SLCO3A1: variants seen among roughly 807,000 people sequenced by gnomAD.
The protein encoded by SLCO3A1 is solute carrier organic anion transporter family member 3A1.
Under a neutral mutation model 63.1 loss-of-function variants are expected in SLCO3A1, and 27 were observed. The observed-to-expected ratio is 0.43, with a 90% CI of 0.32 to 0.59. The LOEUF is 0.59. Among genes scored for constraint, SLCO3A1 ranks in the 20% least tolerant of loss-of-function variants. The probability of loss-of-function intolerance (pLI) is 0.09; values close to 1 mark genes in which losing one functional copy is unlikely to be tolerated. For synonymous variants in SLCO3A1, 473 were observed against 409.9 expected, an observed-to-expected ratio of 1.15 and a Z score of -1.86; for missense variants, 773 against 945.8, an observed-to-expected ratio of 0.82 and a Z score of 2.40.
intron 1 of SLCO3A1, among the ~76,000 whole-genome samples, chr15:91,904,946 C>T (rs1898257600): frequency 6.6e-6 from 1 of 152,148 alleles, no homozygotes; most frequent in Non-Finnish European, 1.5e-5. Flanking sequence ...AATTTACATA[C>T]AATGATTTTG....
chr15:91,893,710 T>C (rs1051481581), intron 1 of SLCO3A1, among the ~76,000 whole-genome samples: 1 of 152,244 alleles, frequency 6.6e-6, no homozygotes, highest in African/African-American at 2.4e-5. Flanking sequence ...CCGTGGGTGG[T>C]TAACATGCAG....
chr15:91,987,049 C>T (rs1411487017), intron 2 of SLCO3A1, among the ~76,000 whole-genome samples: 1 of 152,076 alleles, frequency 6.6e-6, no homozygotes, highest in Non-Finnish European at 1.5e-5. Flanking sequence ...TTTGGGGCTT[C>T]ACAGCCCCAA....
At chr15:92,013,133 G>A (rs2046387970) in intron 2 of SLCO3A1, among the ~76,000 whole-genome samples, 1 of 152,242 alleles carries the variant, frequency 6.6e-6, no homozygotes, top group Non-Finnish European at 1.5e-5. Context: ...GGCTTTGCAT[G>A]TGGCAGACCT....
chr15:92,163,387 A>G lies in SLCO3A1; in HGVS notation c.*252A>G. ...CTTGCGCGGCTGGGCCACAGAGTCTACTTTGAAGGCACCTCATGGTTTTCA... is the reference window on the plus strand; with the variant it reads ...CTTGCGCGGCTGGGCCACAGAGTCTGCTTTGAAGGCACCTCATGGTTTTCA... On this transcript the variant is annotated 3_prime_UTR_variant, in exon 10 of 10. Transcript: ENST00000318445. 1 of 1,129,938 alleles carries G rather than the reference A, an allele frequency of 8.9e-7. No individual in the cohort carries two copies. The highest frequency in any genetic ancestry group is 1.1e-6 in the Non-Finnish European group (1 of 924,138). The allele number at this position is 1,129,938 out of a possible 1,614,324, so 70.0% of individuals were successfully genotyped here. A position where few individuals can be genotyped will look rare whatever the true frequency, so the allele number is the denominator to read the frequency against.
Position 92,165,107 on chromosome 15 carries a change from T to C in SLCO3A1, c.*1972T>C. The stretch of plus-strand genomic sequence containing the variant: ...AATGAACATTGTAAATGAAGAGGCT[T>C]GAATGACAGCCCAAATCTAGAGAAG... On this transcript the variant is annotated 3_prime_UTR_variant, in exon 10 of 10. Coordinates refer to ENST00000318445, the MANE Select transcript of SLCO3A1 (RefSeq NM_013272.4). 2.0e-6 allele frequency: 2 copies of C among 985,382 alleles called. No homozygotes were observed. The highest frequency in any genetic ancestry group is 2.4e-6 in the Non-Finnish European group (2 of 829,890). The allele number at this position is 985,382 out of a possible 1,614,324, so 61.0% of individuals were successfully genotyped here.
intron 1 of SLCO3A1, among the ~76,000 whole-genome samples, chr15:91,909,061 A>G (rs866944395): frequency 6.7e-6 from 1 of 149,296 alleles, no homozygotes; most frequent in Admixed American, 7.2e-5. Flanking sequence ...ACTCTGTCTC[A>G]AACAAAACAA....
At chr15:91,945,476 G>A (rs551478573) in intron 2 of SLCO3A1, among the ~76,000 whole-genome samples, 6 of 152,262 alleles carry the variant, frequency 3.9e-5, no homozygotes, top group Non-Finnish European at 8.8e-5. Flanking sequence ...AAGTGAATAC[G>A]TAAACAGACA....
intron 2 of SLCO3A1, among the ~76,000 whole-genome samples, chr15:92,074,179 A>T (rs1368681482): frequency 6.6e-6 from 1 of 152,232 alleles, no homozygotes; most frequent in Non-Finnish European, 1.5e-5. Flanking sequence ...CTGAAAAAAT[A>T]AAGAGAACCT....
At chr15:91,978,919 A>G (rs961558055) in intron 2 of SLCO3A1, among the ~76,000 whole-genome samples, 1 of 152,208 alleles carries the variant, frequency 6.6e-6, no homozygotes, top group Non-Finnish European at 1.5e-5. Context: ...CTAGTTCAAC[A>G]CTTAGCATAA....
intron 2 of SLCO3A1, among the ~76,000 whole-genome samples, chr15:91,922,177 C>A (rs2151383669): frequency 6.9e-6 from 1 of 143,902 alleles, no homozygotes; most frequent in South Asian, 2.4e-4. Flanking sequence ...GTGTGTTAGG[C>A]AGACACACGC....
rs1210467056 is a variant in SLCO3A1, at chr15:91,900,870, T to G, written c.181-15123T>G. The stretch of plus-strand genomic sequence containing the variant: ...GGTAGTTTTGTTCAAATCATCTTTA[T>G]CCTTACTGATTTTCTGTCTCATTGT... On this transcript the variant is annotated intron_variant, in intron 1 of 9. Transcript: ENST00000318445. This position sits in a 1 kb window ranked among gnomAD's most constrained non-coding sequence, Gnocchi z 4.3. Among the ~76,000 whole-genome samples the G allele has an allele frequency of 2.6e-5, 4 of 152,240 alleles. No individual in the cohort carries two copies. The highest frequency in any genetic ancestry group is 9.6e-5 in the African/African-American group (4 of 41,462).
intron 9 of SLCO3A1, chr15:92,161,640 A>G (rs1410628490): frequency 6.6e-6 from 1 of 152,272 alleles, no homozygotes; most frequent in Non-Finnish European, 1.5e-5. Context: ...ATGTGTATAC[A>G]CACAGATGTA....
intron 2 of SLCO3A1, among the ~76,000 whole-genome samples, chr15:91,934,957 CT>C (rs202201657): frequency 2.6e-5 from 4 of 151,450 alleles, no homozygotes; most frequent in South Asian, 2.1e-4. Flanking sequence ...AATTTCCTGA[CT>C]TTTTTTTTGT....
chr15:92,144,552 C>T (rs534731918), intron 7 of SLCO3A1, among the ~76,000 whole-genome samples: 9 of 152,220 alleles, frequency 5.9e-5, no homozygotes, highest in Admixed American at 1.3e-4. Context: ...CCTTACGCAA[C>T]GGTAACTTCT....
At position 92,165,033 on chromosome 15, in the gene SLCO3A1, A is replaced by T. The variant is rs944412683; in HGVS notation, c.*1898A>T. 1.4e-5 allele frequency: 14 copies of T among 985,324 alleles called. No individual in the cohort carries two copies. The East Asian group carries it at 4.5e-4, about 32-fold the overall frequency. The allele number at this position is 985,324 out of a possible 1,614,324, so 61.0% of individuals were successfully genotyped here. ...TACCCACAAGGCAAACAAAAGAATCAGGAAGTAAAAAATGGTTGGGAGTGG... is the reference window on the plus strand; with the variant it reads ...TACCCACAAGGCAAACAAAAGAATCTGGAAGTAAAAAATGGTTGGGAGTGG... On this transcript the variant is annotated 3_prime_UTR_variant, in exon 10 of 10. Coordinates refer to ENST00000318445, the MANE Select transcript of SLCO3A1 (RefSeq NM_013272.4).
intron 1 of SLCO3A1, among the ~76,000 whole-genome samples, chr15:91,873,567 T>TAC (rs1897328930): frequency 9.8e-6 from 1 of 102,356 alleles, no homozygotes; most frequent in Admixed American, 9.7e-5. Flanking sequence ...CACACACACA[T>TAC]ACATACATAC....
At chr15:92,132,101 C>T (rs2048003388) in intron 7 of SLCO3A1, among the ~76,000 whole-genome samples, 1 of 145,402 alleles carries the variant, frequency 6.9e-6, no homozygotes. Flanking sequence ...GGGGTAATAC[C>T]ATTCTCTTGT....
rs201544375 is a variant in SLCO3A1, at chr15:92,137,750, T to C, written c.1513-9234T>C. Reference sequence around the variant, plus strand: ...TGATGATGAGCATTTTTTCATGTGTTTTTTGGCTGCATAAATGTCTTCTTT... The same window carrying C: ...TGATGATGAGCATTTTTTCATGTGTCTTTTGGCTGCATAAATGTCTTCTTT... On this transcript the variant is annotated intron_variant, in intron 7 of 9. Coordinates refer to ENST00000318445, the MANE Select transcript of SLCO3A1 (RefSeq NM_013272.4). Among the ~76,000 whole-genome samples the C allele has an allele frequency of 4.8e-5, 5 of 104,390 alleles. 1 individual carries two copies. The highest frequency in any genetic ancestry group is 7.3e-5 in the Non-Finnish European group (4 of 54,792). 68.5% of individuals were successfully genotyped at this position (104,390 alleles called of 152,430 possible).
chr15:91,993,293 T>C (rs1329687114), intron 2 of SLCO3A1, among the ~76,000 whole-genome samples: 1 of 152,242 alleles, frequency 6.6e-6, no homozygotes, highest in East Asian at 1.9e-4. Flanking sequence ...AGAGGAAGTA[T>C]TTCATGCTGA....
Sources: allele counts gnomAD v4.1 joint callset (sites outside exome capture counted in the v4.1 genomes callset), GRCh38; gene constraint gnomAD v4.1.1; non-coding constraint Gnocchi (gnomAD v3.1); transcripts MANE v1.5; gene names NCBI Gene and HGNC (gene_info 2026-07-23, HGNC 2026-07-21).